ZNF142: variants seen among roughly 807,000 people sequenced by gnomAD.
The protein encoded by ZNF142 is zinc finger protein 142.
In ZNF142, 96 loss-of-function variants were observed where a neutral mutation model predicts 132.1. The ratio of observed to expected loss-of-function variants is 0.73; its 90% CI spans 0.62 to 0.86. The LOEUF is 0.86. Ranked by LOEUF, ZNF142 falls within the 40% of genes least tolerant of loss-of-function variation. The pLI, the probability that ZNF142 is intolerant of heterozygous loss-of-function variation, is 0.00. For missense variants in ZNF142, 2,163 were observed against 2,336.2 expected (o/e 0.93, Z 1.53); for synonymous variants, 842 against 890.1 (o/e 0.95, Z 0.96).
At chr2:218,647,052 G>A (rs1430234538) in intron 7 of ZNF142, among the ~76,000 whole-genome samples, 1 of 152,138 alleles carries the variant, frequency 6.6e-6, no homozygotes, top group Non-Finnish European at 1.5e-5. Flanking sequence ...GTCCAACACA[G>A]TAATAAAAAT....
At chr2:218,649,832 C>T (rs753189864) in intron 6 of ZNF142, among the ~76,000 whole-genome samples, 1 of 152,164 alleles carries the variant, frequency 6.6e-6, no homozygotes, top group Non-Finnish European at 1.5e-5. Flanking sequence ...AAAAGAGCCC[C>T]CAAGGGGGTG....
At position 218,656,189 on chromosome 2, in the gene ZNF142, C is replaced by T. The variant is rs1164963903; in HGVS notation, c.241G>A (p.Ala81Thr). The change falls in exon 4 of 11, where the codon GCT (alanine) becomes ACT (threonine). Residue 81 changes from alanine to threonine, a missense_variant. Around this residue, in one of 7 missense-constraint regions of ZNF142, gnomAD observed 195 missense variants for 172.4 expected, o/e 1.13. Transcript: ENST00000411696. ...GGAGCACCTGGGGTCAGGGTTCCAG[C>T]TACTGTCTCCACAATGATCTCCATG... ...GNMEIIVETVAGTLTPGAPGE... is the reference protein window; with the variant it reads ...GNMEIIVETVTGTLTPGAPGE... The T allele has an allele frequency of 6.2e-7, 1 of 1,609,932 alleles. No individual in the cohort carries two copies. Among genetic ancestry groups the T allele is most frequent in the South Asian group, 1.1e-5 (1 of 90,086 alleles).
rs753081634 is a variant in ZNF142, at chr2:218,636,193, C to T, written c.*2146G>A. 2.2e-5 allele frequency: 35 copies of T among 1,573,936 alleles called. No individual in the cohort carries two copies. Among genetic ancestry groups the T allele is most frequent in the Non-Finnish European group, 2.9e-5 (33 of 1,145,100 alleles). ...GAGAACACAAGAAAAGCAACCCAGT[C>T]AAGAAAACTGTCATAATGTCTTCTT... On this transcript the variant is annotated 3_prime_UTR_variant, in exon 11 of 11. Coordinates refer to ENST00000411696, the MANE Select transcript of ZNF142 (RefSeq NM_001379659.1).
In ZNF142 at chr2:218,649,385, G is replaced by T; in HGVS notation, c.1123C>A (p.Arg375=). ...CPECKRCFKK[R]THLVEHLHLH... ...TGCAGGTGCTCCACCAGATGAGTCC[G>T]CTTCTTAAAGCAGCGCTTACACTCT... Residue 375 remains arginine (R), a synonymous_variant, in exon 7 of 11, where the codon CGG becomes AGG. Transcript: ENST00000411696. The T allele has an allele frequency of 6.2e-7, 1 of 1,613,854 alleles. No homozygotes were observed. The highest frequency in any genetic ancestry group is 1.7e-5 in the Admixed American group (1 of 59,988).
intron 5 of ZNF142, among the ~76,000 whole-genome samples, chr2:218,650,812 A>T (rs569200563): frequency 6.6e-6 from 1 of 152,308 alleles, no homozygotes; most frequent in African/African-American, 2.4e-5. Context: ...GGGGGCTGAA[A>T]GTAGAGAATG....
chr2:218,653,675 T>C (rs998867692), intron 4 of ZNF142, among the ~76,000 whole-genome samples: 1 of 152,188 alleles, frequency 6.6e-6, no homozygotes, highest in Non-Finnish European at 1.5e-5. Flanking sequence ...TTTGGTGTGT[T>C]TCTTTTTGAC....
In ZNF142 at chr2:218,658,744, C is replaced by T. The variant is rs1457933658; in HGVS notation, c.-78G>A. The stretch of plus-strand genomic sequence containing the variant: ...TGGGGAATCTTCAAGCTTGACCATA[C>T]ATGGCCTCCGGGGGGAGCCAAGGAG... On this transcript the variant is annotated 5_prime_UTR_variant, in exon 3 of 11. An upstream start codon of the reference 5' UTR is lost. Transcript: ENST00000411696. 6.6e-6 allele frequency: 1 copy of T among 152,206 alleles called. No homozygotes were observed. Among genetic ancestry groups the T allele is most frequent in the African/African-American group, 2.4e-5 (1 of 41,450 alleles). 9.4% of individuals were successfully genotyped at this position (152,206 alleles called of 1,614,324 possible).
At chr2:218,646,044 C>T (rs1426157722) in intron 8 of ZNF142, 127 bp downstream of exon 8, 10 of 1,305,302 alleles carry the variant, frequency 7.7e-6, no homozygotes, top group East Asian at 7.0e-5. Flanking sequence ...TGAGCCATTG[C>T]ACCCGGCCTT....
At chr2:218,656,972 C>T (rs1938569643) in intron 3 of ZNF142, among the ~76,000 whole-genome samples, 1 of 152,078 alleles carries the variant, frequency 6.6e-6, no homozygotes, top group Non-Finnish European at 1.5e-5. Context: ...ATGTGCCACA[C>T]ACGCCCAGGT....
chr2:218,642,921 G>C lies in ZNF142; in HGVS notation c.4195C>G (p.Pro1399Ala). The C allele has an allele frequency of 6.2e-7, 1 of 1,613,838 alleles. No homozygotes were observed. The highest frequency in any genetic ancestry group is 8.5e-7 in the Non-Finnish European group (1 of 1,179,986). The stretch of plus-strand genomic sequence containing the variant: ...AAGTCACAGAAGGGGCACTGATGGG[G>C]CTTCACCCCCTCGTGCTTGAGCCGC... ...HRRLKHEGVKPHQCPFCDFST... is the reference protein window; with the variant it reads ...HRRLKHEGVKAHQCPFCDFST... Residue 1399 changes from proline (P) to alanine (A), a missense_variant, in exon 9 of 11, where the codon CCC becomes GCC. Physicochemically the swap from Pro to Ala is conservative, Grantham distance 27 (BLOSUM62 -1). Coordinates refer to ENST00000411696, the MANE Select transcript of ZNF142 (RefSeq NM_001379659.1). The surrounding 1 kb of genome is among the most constrained non-coding windows in gnomAD (Gnocchi z 4.6).
In ZNF142 at chr2:218,636,097, TG is replaced by T; in HGVS notation, c.*2241del. The T allele has an allele frequency of 7.3e-7, 1 of 1,369,340 alleles. No individual in the cohort carries two copies. The allele number at this position is 1,369,340 out of a possible 1,614,324, so 84.8% of individuals were successfully genotyped here. ...TCTTCACTTAAAAGCTCCAGTGACC[TG>T]GGCAAATTACTTGCTTACTCTGAGC... is the stretch of plus-strand genomic sequence containing the variant. On this transcript the variant is annotated 3_prime_UTR_variant, in exon 11 of 11. Coordinates refer to ENST00000411696, the MANE Select transcript of ZNF142 (RefSeq NM_001379659.1).
intron 6 of ZNF142, 142 bp from the exon 7 acceptor site, chr2:218,649,601 G>T: frequency 1.2e-6 from 1 of 822,538 alleles, no homozygotes; most frequent in Non-Finnish European, 1.8e-6. Flanking sequence ...AAATACTGTA[G>T]TCTCAAAAAA....
Position 218,635,724 on chromosome 2 carries a change from T to G in ZNF142, c.*2615A>C, listed in dbSNP as rs1030837408. ...ACAAACCAAAAAGCTTCTTCTCCCCTGGGGTTGGGAGTAGGGTCGGGTGGG... is the reference window on the plus strand; with the variant it reads ...ACAAACCAAAAAGCTTCTTCTCCCCGGGGGTTGGGAGTAGGGTCGGGTGGG... On this transcript the variant is annotated 3_prime_UTR_variant, in exon 11 of 11. Coordinates refer to ENST00000411696, the MANE Select transcript of ZNF142 (RefSeq NM_001379659.1). 2 of 1,534,630 alleles carry G rather than the reference T, an allele frequency of 1.3e-6. No homozygotes were observed. Among genetic ancestry groups the G allele is most frequent in the Non-Finnish European group, 1.8e-6 (2 of 1,138,498 alleles).
In ZNF142 at chr2:218,643,287, C is replaced by G. The variant is rs761489106; in HGVS notation, c.3829G>C (p.Ala1277Pro). ...DVSPLSNGDSAPPKNGSTESS... is the reference protein window; with the variant it reads ...DVSPLSNGDSPPPKNGSTESS... ...TCTGTACTCCCATTCTTCGGGGGAG[C>G]AGAGTCCCCATTGCTCAACGGGGAC... Residue 1277 changes from alanine to proline, a missense_variant, in exon 9 of 11, where the codon GCT becomes CCT. Physicochemically the swap from Ala to Pro is conservative, Grantham distance 27. Transcript: ENST00000411696. 1 of 1,614,202 alleles carries G rather than the reference C, an allele frequency of 6.2e-7. No homozygotes were observed. Among genetic ancestry groups the G allele is most frequent in the Non-Finnish European group, 8.5e-7 (1 of 1,180,034 alleles).
rs190813548 is a variant in ZNF142, at chr2:218,645,052, G to C, written c.2064C>G (p.Asn688Lys). Residue 688 changes from asparagine (N) to lysine (K), a missense_variant, in exon 9 of 11, where the codon AAC (asparagine) becomes AAG (lysine). Asn to Lys is a moderately conservative substitution (Grantham distance 94, BLOSUM62 0). Coordinates refer to ENST00000411696, the MANE Select transcript of ZNF142 (RefSeq NM_001379659.1). Reference protein sequence around the residue: ...KHAGDLRYQCNQCSYRCHRAD... With the variant: ...KHAGDLRYQCKQCSYRCHRAD... ...CCCGGTGACAGCGATAGGAGCACTG[G>C]TTGCACTGATACCTGGCAAGGAGGG... 16 of 1,608,288 alleles carry C rather than the reference G, an allele frequency of 9.9e-6. No individual in the cohort carries two copies. The East Asian group carries it at 3.4e-4, about 34-fold the overall frequency.
Position 218,642,763 on chromosome 2 carries a change from A to C in ZNF142, c.4353T>G (p.His1451Gln). Residue 1451 changes from histidine (H) to glutamine (Q), a missense_variant, in exon 9 of 11, where the codon CAT becomes CAG. Around this residue, in one of 7 missense-constraint regions of ZNF142, gnomAD observed 809 missense variants for 801.7 expected, o/e 1.01. Coordinates refer to ENST00000411696, the MANE Select transcript of ZNF142 (RefSeq NM_001379659.1). The surrounding 1 kb of genome is among the most constrained non-coding windows in gnomAD (Gnocchi z 4.6). ...SKLRLHRLRVHDKTPTHFCPL... is the reference protein window; with the variant it reads ...SKLRLHRLRVQDKTPTHFCPL... ...GACAGAAGTGGGTAGGTGTTTTGTC[A>C]TGTACCCTTAACCGGTGCAAGCGCA... The C allele has an allele frequency of 1.2e-6, 2 of 1,614,150 alleles. No individual in the cohort carries two copies. Among genetic ancestry groups the C allele is most frequent in the Non-Finnish European group, 1.7e-6 (2 of 1,180,032 alleles).
chr2:218,654,264 A>G (rs1306100541), intron 4 of ZNF142, among the ~76,000 whole-genome samples: 3 of 152,178 alleles, frequency 2.0e-5, no homozygotes, highest in Non-Finnish European at 4.4e-5. Flanking sequence ...TTGACCTTCA[A>G]AAGATTATAC....
At position 218,642,151 on chromosome 2, in the gene ZNF142, G is replaced by C. The variant is rs777301555; in HGVS notation, c.4965C>G (p.Thr1655=). Residue 1655 remains threonine (T), a synonymous_variant, in exon 9 of 11, where the codon ACC becomes ACG. Coordinates refer to ENST00000411696, the MANE Select transcript of ZNF142 (RefSeq NM_001379659.1). The surrounding 1 kb of genome is among the most constrained non-coding windows in gnomAD (Gnocchi z 4.6). The part of the protein sequence containing the change: ...GHGGTRLYKC[T]DCAYSTKNRQ... ...GGTTCTTGGTGCTGTAAGCACAATC[G>C]GTGCACTTGTAGAGACGAGTGCCCC... The C allele has an allele frequency of 4.3e-6, 7 of 1,614,150 alleles. No homozygotes were observed. The highest frequency in any genetic ancestry group is 5.9e-6 in the Non-Finnish European group (7 of 1,180,036).
intron 9 of ZNF142, among the ~76,000 whole-genome samples, chr2:218,641,526 G>A (rs1234913445): frequency 6.6e-6 from 1 of 151,578 alleles, no homozygotes; most frequent in African/African-American, 2.4e-5. Context: ...TTACAGGCGT[G>A]AGCCACCGCA....
Sources: gnomAD v4.1 joint callset for allele counts (sites outside exome capture counted in the v4.1 genomes callset) on GRCh38, gnomAD v4.1.1 for gene constraint, gnomAD v4.1.1 regional missense constraint, Gnocchi (gnomAD v3.1) non-coding constraint, MANE v1.5 for transcripts, NCBI Gene and HGNC (gene_info 2026-07-23, HGNC 2026-07-21) for gene names.